MMAA: variants seen among roughly 807,000 people sequenced by gnomAD.
The protein encoded by MMAA is methylmalonic aciduria type A protein, mitochondrial.
MMAA carries 41 observed loss-of-function variants against 45.0 expected under a neutral mutation model. That is an observed-to-expected ratio of 0.91 (90% CI 0.71 to 1.18). The LOEUF is 1.18. MMAA is among the 50% of genes most tolerant of loss of function. MMAA has a pLI of 0.00. For missense variants in MMAA, 460 were observed against 495.7 expected (o/e 0.93, Z 0.68); for synonymous variants, 154 against 178.2 (o/e 0.86, Z 1.08).
At chr4:145,648,941 G>A (rs1728015913) in intron 4 of MMAA, among the ~76,000 whole-genome samples, 1 of 151,794 alleles carries the variant, frequency 6.6e-6, no homozygotes, top group Non-Finnish European at 1.5e-5. Flanking sequence ...GAGCTGTGAT[G>A]GCACCACTGC....
chr4:145,630,119 A>G (rs1351520918), intron 1 of MMAA, among the ~76,000 whole-genome samples: 2 of 152,202 alleles, frequency 1.3e-5, no homozygotes, highest in Non-Finnish European at 2.9e-5. Flanking sequence ...TCAGCAGTGA[A>G]GCCATCAGGT....
At position 145,639,576 on chromosome 4, in the gene MMAA, T is replaced by G; in HGVS notation, c.437T>G (p.Val146Gly). ...SNKGKPLAFR[V>G]GLSGPPGAGK... is the part of the protein sequence containing the mutation. Reference sequence around the variant, plus strand: ...AAAGGAAAACCACTAGCATTTCGAGTAGGTCAGTCTTTTTTGTGTGTTTTC... The same window carrying G: ...AAAGGAAAACCACTAGCATTTCGAGGAGGTCAGTCTTTTTTGTGTGTTTTC... The change falls in exon 2 of 7, where the codon GTA (valine) becomes GGA (glycine). Residue 146 changes from valine to glycine, a missense_variant and splice_region_variant. Val to Gly is a moderately radical substitution (Grantham distance 109). Transcript: ENST00000649156. The G allele has an allele frequency of 1.2e-6, 2 of 1,607,066 alleles. No individual in the cohort carries two copies. The highest frequency in any genetic ancestry group is 1.7e-6 in the Non-Finnish European group (2 of 1,176,070).
chr4:145,637,152 A>G (rs1039673793), intron 1 of MMAA, among the ~76,000 whole-genome samples: 1 of 152,204 alleles, frequency 6.6e-6, no homozygotes, highest in Non-Finnish European at 1.5e-5. Flanking sequence ...GGACCTGAAA[A>G]GTAGTATGTT....
intron 3 of MMAA, chr4:145,642,695 TG>T: frequency 1.6e-6 from 1 of 606,460 alleles, no homozygotes; most frequent in Non-Finnish European, 2.9e-6. Flanking sequence ...GATAGCTCAG[TG>T]GGCACTCAGA....
At position 145,657,842 on chromosome 4, in the gene MMAA, CTGA is replaced by C. The variant is rs1728275628; in HGVS notation, c.*2412_*2414del. 6.6e-6 allele frequency: 1 copy of C among 152,162 alleles called. No homozygotes were observed. The highest frequency in any genetic ancestry group is 1.5e-5 in the Non-Finnish European group (1 of 68,042). 9.4% of individuals were successfully genotyped at this position (152,162 alleles called of 1,614,324 possible). ...TACATATAATCCTTGGATATAAATG[CTGA>C]TGAAGTTTGGATATTTGTCCCCACC... On this transcript the variant is annotated 3_prime_UTR_variant, in exon 7 of 7. Transcript: ENST00000649156.
At position 145,655,358 on chromosome 4, in the gene MMAA, A is replaced by C; in HGVS notation, c.1181A>C (p.Gln394Pro). 1 of 1,614,228 alleles carries C rather than the reference A, an allele frequency of 6.2e-7. No individual in the cohort carries two copies. Among genetic ancestry groups the C allele is most frequent in the Non-Finnish European group, 8.5e-7 (1 of 1,180,034 alleles). The change falls in exon 7 of 7, where the codon CAA becomes CCA. Residue 394 changes from glutamine to proline, a missense_variant. Gln to Pro is a moderately conservative substitution (Grantham distance 76). Coordinates refer to ENST00000649156, the MANE Select transcript of MMAA (RefSeq NM_172250.3). The part of the protein sequence containing the change: ...TVREQIPLLE[Q>P]KVLIGALSPG... Reference sequence around the variant, plus strand: ...CGGGAACAGATTCCACTTCTGGAACAAAAGGTTCTCATTGGGGCCCTGTCC... The same window carrying C: ...CGGGAACAGATTCCACTTCTGGAACCAAAGGTTCTCATTGGGGCCCTGTCC...
intron 1 of MMAA, among the ~76,000 whole-genome samples, chr4:145,628,055 A>G (rs1734241390): frequency 6.6e-6 from 1 of 152,234 alleles, no homozygotes; most frequent in Non-Finnish European, 1.5e-5. Context: ...AGTCACAATA[A>G]CTGGTAAAAT....
intron 1 of MMAA, among the ~76,000 whole-genome samples, chr4:145,631,613 G>GT (rs1369387718): frequency 2.6e-5 from 4 of 151,770 alleles, no homozygotes; most frequent in African/African-American, 4.8e-5. Flanking sequence ...ACCACTCTAT[G>GT]TTTTTTTACC....
At position 145,639,634 on chromosome 4, in the gene MMAA, T is replaced by C. The variant is rs570852529; in HGVS notation, c.439+56T>C. The stretch of plus-strand genomic sequence containing the variant: ...ATATTTTTACAAATTCTCTGTATTC[T>C]GTTTTTTAAAAAAAAGTCTAAATAG... On this transcript the variant is annotated intron_variant, in intron 2 of 6. Transcript: ENST00000649156. 5.2e-5 allele frequency: 80 copies of C among 1,552,674 alleles called. No individual in the cohort carries two copies. The East Asian group carries it at 1.8e-3, about 36-fold the overall frequency.
At chr4:145,634,805 C>T (rs1450816617) in intron 1 of MMAA, among the ~76,000 whole-genome samples, 3 of 151,196 alleles carry the variant, frequency 2.0e-5, no homozygotes, top group Non-Finnish European at 4.4e-5. Flanking sequence ...TTTTCTTTAA[C>T]GCAGCAAGTT....
chr4:145,639,270 T>G lies in MMAA; in HGVS notation c.131T>G (p.Phe44Cys). The change falls in exon 2 of 7, where the codon TTT becomes TGT. Residue 44 changes from phenylalanine (F) to cysteine (C), a missense_variant. Physicochemically the swap from Phe to Cys is radical, Grantham distance 205. Coordinates refer to ENST00000649156, the MANE Select transcript of MMAA (RefSeq NM_172250.3). ...TCAGGAATCCCATGTGCTCAGCCGTTTAATTCTCTTGGACTCCATTGTACA... is the reference window on the plus strand; with the variant it reads ...TCAGGAATCCCATGTGCTCAGCCGTGTAATTCTCTTGGACTCCATTGTACA... ...LGSGIPCAQPFNSLGLHCTKW... is the reference protein window; with the variant it reads ...LGSGIPCAQPCNSLGLHCTKW... 2 of 1,614,216 alleles carry G rather than the reference T, an allele frequency of 1.2e-6. No individual in the cohort carries two copies. The highest frequency in any genetic ancestry group is 1.7e-6 in the Non-Finnish European group (2 of 1,180,042).
Position 145,659,579 on chromosome 4 carries a change from CAT to C in MMAA, c.*4146_*4147del, listed in dbSNP as rs1405445482. 4.6e-5 allele frequency: 7 copies of C among 152,156 alleles called. No homozygotes were observed. The highest frequency in any genetic ancestry group is 1.7e-4 in the African/African-American group (7 of 41,430). The allele number at this position is 152,156 out of a possible 1,614,324, so 9.4% of individuals were successfully genotyped here. On this transcript the variant is annotated 3_prime_UTR_variant, in exon 7 of 7. Coordinates refer to ENST00000649156, the MANE Select transcript of MMAA (RefSeq NM_172250.3). ...TGCTTTTAACTAACACAGAAGAAAT[CAT>C]GTGACCTCATTCTCAAAGCTCGTAA...
chr4:145,653,932 G>C (rs1728161159), intron 5 of MMAA, 62 bp from the exon 6 acceptor site: 2 of 1,544,886 alleles, frequency 1.3e-6, no homozygotes. Context: ...TTCAAAATCT[G>C]AGCATTGACT....
At chr4:145,642,228 C>T (rs532920969) in intron 2 of MMAA, 135 bp from the exon 3 acceptor site, 3 of 1,002,934 alleles carry the variant, frequency 3.0e-6, no homozygotes, top group African/African-American at 3.2e-5. Context: ...CATTTTAGGA[C>T]ATGTTGAAAT....
At chr4:145,638,293 C>T (rs1727676203) in intron 1 of MMAA, among the ~76,000 whole-genome samples, 1 of 152,048 alleles carries the variant, frequency 6.6e-6, no homozygotes, top group African/African-American at 2.4e-5. Flanking sequence ...GGCGTGAACC[C>T]GGGAGGCGGA....
At chr4:145,652,585 C>T (rs1413374456) in intron 5 of MMAA, among the ~76,000 whole-genome samples, 1 of 151,936 alleles carries the variant, frequency 6.6e-6, no homozygotes, top group South Asian at 2.1e-4. Flanking sequence ...AAAAAATTAG[C>T]CGGGCATGGT....
Position 145,639,551 on chromosome 4 carries a change from A to G in MMAA, c.412A>G (p.Lys138Glu), listed in dbSNP as rs1355562325. The change falls in exon 2 of 7, where the codon AAA (lysine) becomes GAA (glutamate). Residue 138 changes from lysine to glutamate, a missense_variant. Physicochemically the swap from Lys to Glu is moderately conservative, Grantham distance 56. Transcript: ENST00000649156. ...CCACAGAGAACAAGAACAATCAAAT[A>G]AAGGAAAACCACTAGCATTTCGAGT... is the stretch of plus-strand genomic sequence containing the variant. ...LYHREQEQSN[K>E]GKPLAFRVGL... is the part of the protein sequence containing the mutation. The G allele has an allele frequency of 1.9e-6, 3 of 1,609,578 alleles. No homozygotes were observed. The highest frequency in any genetic ancestry group is 8.5e-7 in the Non-Finnish European group (1 of 1,177,522).
At chr4:145,632,666 A>G (rs1359583730) in intron 1 of MMAA, among the ~76,000 whole-genome samples, 1 of 151,916 alleles carries the variant, frequency 6.6e-6, no homozygotes, top group Non-Finnish European at 1.5e-5. Flanking sequence ...GCTATTTTCT[A>G]AATCCTGGAG....
intron 4 of MMAA, chr4:145,650,765 C>T (rs986628164): frequency 2.5e-5 from 11 of 432,828 alleles, no homozygotes; most frequent in African/African-American, 1.0e-4. Flanking sequence ...TCAAGCTGCT[C>T]GCTGATGAAA....
Sources: gnomAD v4.1 joint callset for allele counts (sites outside exome capture counted in the v4.1 genomes callset) on GRCh38, gnomAD v4.1.1 for gene constraint, MANE v1.5 for transcripts, NCBI Gene and HGNC (gene_info 2026-07-23, HGNC 2026-07-21) for gene names.